The following ZNF560 variants were observed in gnomAD, a reference collection of about 807,000 sequenced individuals.
The protein encoded by ZNF560 is zinc finger protein 560.
In ZNF560, 54 loss-of-function variants were observed where a neutral mutation model predicts 81.8. The ratio of observed to expected loss-of-function variants is 0.66; its 90% CI spans 0.53 to 0.83. The LOEUF (loss-of-function observed/expected upper bound fraction) is 0.83. Among genes scored for constraint, ZNF560 ranks in the 40% least tolerant of loss-of-function variants. ZNF560 has a pLI of 0.00. For synonymous variants in ZNF560, 321 were observed against 317.9 expected, an observed-to-expected ratio of 1.01 and a Z score of -0.10; for missense variants, 940 against 932.4, an observed-to-expected ratio of 1.01 and a Z score of -0.11.
chr19:9,453,340 C>T, the ZNF560 span, among the ~76,000 whole-genome samples: 1 of 152,164 alleles, frequency 6.6e-6, no homozygotes, highest in South Asian at 2.1e-4. Flanking sequence ...GTTATGTCAA[C>T]ACAACTTTTC....
the ZNF560 span, among the ~76,000 whole-genome samples, chr19:9,450,061 G>A: frequency 6.6e-6 from 1 of 151,194 alleles, no homozygotes; most frequent in Non-Finnish European, 1.5e-5. Flanking sequence ...GGGACACTGA[G>A]GCAGCTGGAT....
chr19:9,468,285 T>A lies in ZNF560; in HGVS notation c.662A>T (p.Asp221Val), dbSNP rs1217993550. The change falls in exon 10 of 10, where the codon GAT (aspartate) becomes GTT (valine). Residue 221 changes from aspartate to valine, a missense_variant. Coordinates refer to ENST00000301480, the MANE Select transcript of ZNF560 (RefSeq NM_152476.3). Reference sequence around the variant, plus strand: ...AAGGCATGGATGTTTACAGAAGACATCTTCACATTGCTTACAGTCATAGAG... The same window carrying A: ...AAGGCATGGATGTTTACAGAAGACAACTTCACATTGCTTACAGTCATAGAG... ...EELYDCKQCE[D>V]VFCKHPCLKT... 1.9e-6 allele frequency: 3 copies of A among 1,612,298 alleles called. No homozygotes were observed. The highest frequency in any genetic ancestry group is 1.3e-5 in the African/African-American group (1 of 74,852).
rs926373601 is a variant in ZNF560 at position 9,471,237 on chromosome 19, T to G, written c.321+59A>C. Reference sequence around the variant, plus strand: ...TTATCTTTTGTGCTTATTTTCTATATTGGAAGTCCCAATATTCTCTGAGTG... The same window carrying G: ...TTATCTTTTGTGCTTATTTTCTATAGTGGAAGTCCCAATATTCTCTGAGTG... On this transcript the variant is annotated intron_variant, in intron 6 of 9. Transcript: ENST00000301480. The G allele has an allele frequency of 3.1e-6, 4 of 1,283,248 alleles. No homozygotes were observed. The African/African-American group carries it at 4.6e-5, about 15-fold the overall frequency. 79.5% of individuals were successfully genotyped at this position (1,283,248 alleles called of 1,614,324 possible).
At chr19:9,477,829 T>C (rs2073226402) in intron 2 of ZNF560, among the ~76,000 whole-genome samples, 1 of 152,150 alleles carries the variant, frequency 6.6e-6, no homozygotes, top group South Asian at 2.1e-4. Context: ...AAAAAAATCT[T>C]TGAACTTGAA....
chr19:9,448,395 C>CTTTTTTTTT, the ZNF560 span, among the ~76,000 whole-genome samples: 1 of 89,804 alleles, frequency 1.1e-5, no homozygotes, highest in Non-Finnish European at 2.0e-5. Context: ...CCATGCCTGG[C>CTTTTTTTTT]TTTTTTTTTT....
Position 9,466,604 on chromosome 19 carries a change from TGAGA to T in ZNF560, c.2339_2342del (p.Phe780Ter), listed in dbSNP as rs771465196. The stretch of plus-strand genomic sequence containing the variant: ...GTGTTTTCAAATGTGCAATACGAGC[TGAGA>T]AAGAAGCAAAGGCTTTCCCACACTG... On this transcript the variant is annotated frameshift_variant, in exon 10 of 10. Coordinates refer to ENST00000301480, the MANE Select transcript of ZNF560 (RefSeq NM_152476.3). LOFTEE classifies it high-confidence loss of function. The T allele has an allele frequency of 3.2e-5, 52 of 1,606,788 alleles. No homozygotes were observed. Among genetic ancestry groups the T allele is most frequent in the African/African-American group, 5.4e-5 (4 of 74,624 alleles).
At chr19:9,481,525 T>A (rs931879339) in intron 2 of ZNF560, among the ~76,000 whole-genome samples, 1 of 152,164 alleles carries the variant, frequency 6.6e-6, no homozygotes, top group Non-Finnish European at 1.5e-5. Context: ...TCTACAAATC[T>A]GACAAAGGGC....
the ZNF560 span, among the ~76,000 whole-genome samples, chr19:9,446,372 ACACACACACACACAC>A: frequency 3.2e-5 from 1 of 31,640 alleles, no homozygotes; most frequent in East Asian, 6.5e-4. Context: ...TCATACACAC[ACACACACACACACAC>A]ACACACACAC....
upstream of ZNF560, among the ~76,000 whole-genome samples, chr19:9,503,578 AG>A (rs1251098572): frequency 1.3e-5 from 2 of 152,228 alleles, no homozygotes; most frequent in Non-Finnish European, 2.9e-5. Context: ...TCTCTTGGGC[AG>A]GCTGGAGTAG....
chr19:9,467,172 C>T lies in ZNF560; in HGVS notation c.1775G>A (p.Arg592Gln), dbSNP rs149138221. The T allele has an allele frequency of 1.6e-5, 26 of 1,614,058 alleles. No individual in the cohort carries two copies. Among genetic ancestry groups the T allele is most frequent in the East Asian group, 6.7e-5 (3 of 44,872 alleles). Residue 592 changes from arginine (R) to glutamine (Q), a missense_variant, in exon 10 of 10, where the codon CGA becomes CAA. Arg to Gln is a conservative substitution (Grantham distance 43). Coordinates refer to ENST00000301480, the MANE Select transcript of ZNF560 (RefSeq NM_152476.3). ...TERSYLTKHLRRHSGEKPYEC... is the reference protein window; with the variant it reads ...TERSYLTKHLQRHSGEKPYEC... ...ATATGGCTTCTCTCCACTGTGTCTT[C>T]GTAAATGTTTAGTAAGGTATGAGCG...
intron 5 of ZNF560, among the ~76,000 whole-genome samples, chr19:9,472,473 C>T (rs557526886): frequency 9.9e-5 from 15 of 152,260 alleles, no homozygotes; most frequent in African/African-American, 2.4e-4. Context: ...GTCAGATCAG[C>T]GGCAGCACTT....
In ZNF560 at chr19:9,466,704, G is replaced by A. The variant is rs767682995; in HGVS notation, c.2243C>T (p.Ala748Val). Residue 748 changes from alanine (A) to valine (V), a missense_variant, in exon 10 of 10, where the codon GCC becomes GTC. Physicochemically the swap from Ala to Val is moderately conservative, Grantham distance 64 (BLOSUM62 0). Coordinates refer to ENST00000301480, the MANE Select transcript of ZNF560 (RefSeq NM_152476.3). ...KPYKCKECGK[A>V]FRTSSGRIQH... ...AATACGTCCTGAGGATGTACGGAAG[G>A]CCTTCCCACATTCCTTACATTTATA... 2.5e-6 allele frequency: 4 copies of A among 1,614,126 alleles called. No homozygotes were observed. The South Asian group carries it at 4.4e-5, about 18-fold the overall frequency.
At chr19:9,504,161 C>T in the ZNF560 span, among the ~76,000 whole-genome samples, 19 of 152,188 alleles carry the variant, frequency 1.2e-4, no homozygotes, top group African/African-American at 2.4e-4. Context: ...CTGCTGGGTG[C>T]GGTGGCTCAC....
At chr19:9,471,689 AAT>A (rs1007711349) in intron 5 of ZNF560, among the ~76,000 whole-genome samples, 1 of 152,236 alleles carries the variant, frequency 6.6e-6, no homozygotes, top group African/African-American at 2.4e-5. Context: ...TGAAAAACAA[AAT>A]ATATAGTTTC....
At chr19:9,456,216 G>C in the ZNF560 span, among the ~76,000 whole-genome samples, 14 of 152,288 alleles carry the variant, frequency 9.2e-5, no homozygotes, top group South Asian at 2.5e-3. Context: ...TGAGTCTCCT[G>C]CCTGGAAAGC....
At chr19:9,483,437 A>G (rs139525327) in intron 2 of ZNF560, among the ~76,000 whole-genome samples, 16,348 of 127,526 alleles carry the variant, frequency 0.13, 2,097 homozygotes, top group African/African-American at 0.28. Context: ...CAGCCACCCC[A>G]TCTGGGAAGT....
intron 2 of ZNF560, among the ~76,000 whole-genome samples, chr19:9,477,396 C>G (rs1211807886): frequency 2.0e-5 from 3 of 152,166 alleles, no homozygotes; most frequent in Non-Finnish European, 4.4e-5. Context: ...ATTACTCCCC[C>G]ATAATGACTG....
the ZNF560 span, among the ~76,000 whole-genome samples, chr19:9,455,534 A>G: frequency 1.3e-5 from 2 of 152,234 alleles, no homozygotes; most frequent in Non-Finnish European, 1.5e-5. Context: ...AGTGTGCATT[A>G]GAGCTTGGGA....
chr19:9,446,637 G>A, the ZNF560 span, among the ~76,000 whole-genome samples: 1 of 151,338 alleles, frequency 6.6e-6, no homozygotes, highest in South Asian at 2.1e-4. Flanking sequence ...TGCAATGTCA[G>A]TCAACTGTAT....
Sources: gnomAD v4.1 joint callset for allele counts (sites outside exome capture counted in the v4.1 genomes callset) on GRCh38, gnomAD v4.1.1 for gene constraint, MANE v1.5 for transcripts, NCBI Gene and HGNC (gene_info 2026-07-23, HGNC 2026-07-21) for gene names.